DNPEP: variants seen among roughly 807,000 people sequenced by gnomAD.
The protein encoded by DNPEP is aspartyl aminopeptidase.
In DNPEP, 46 loss-of-function variants were observed where a neutral mutation model predicts 59.1. The ratio of observed to expected loss-of-function variants is 0.78; its 90% CI spans 0.61 to 0.99. The LOEUF is 0.99. Ranked by LOEUF, DNPEP falls within the 50% of genes least tolerant of loss-of-function variation. The pLI, the probability that DNPEP is intolerant of heterozygous loss-of-function variation, is 0.00. For synonymous variants in DNPEP, 229 were observed against 242.2 expected (o/e 0.95, Z 0.50); for missense variants, 617 against 649.9 (o/e 0.95, Z 0.55).
At position 219,384,598 on chromosome 2, in the gene DNPEP, C is replaced by T. The variant is rs146148379; in HGVS notation, c.775-155G>A. On this transcript the variant is annotated intron_variant, in intron 8 of 14. Coordinates refer to ENST00000273075, the MANE Select transcript of DNPEP (RefSeq NM_012100.4). ...TTTTCTTTTTTTTGAGATGAAGGTT[C>T]GCTCTTGTCGCCCAGTCTGAAGTGC... 1.4e-3 allele frequency: 802 copies of T among 556,954 alleles called. 8 individuals are homozygous for T. The highest frequency in any genetic ancestry group is 0.014 in the African/African-American group (712 of 51,452). The allele number at this position is 556,954 out of a possible 1,614,324, so 34.5% of individuals were successfully genotyped here.
chr2:219,396,484 A>G (rs1954099180), intron 1 of DNPEP, among the ~76,000 whole-genome samples: 1 of 152,028 alleles, frequency 6.6e-6, no homozygotes, highest in Admixed American at 6.6e-5. Flanking sequence ...GCTACTAGGG[A>G]GGCTGAGGCA....
Position 219,379,919 on chromosome 2 carries a change from A to AAAATAAAT in DNPEP, c.1239+1408_1239+1415dup, listed in dbSNP as rs59629509. Among the ~76,000 whole-genome samples, 643 of 149,516 alleles carry AAAATAAAT rather than the reference A, an allele frequency of 4.3e-3. 6 individuals carry two copies. The highest frequency in any genetic ancestry group is 0.015 in the African/African-American group (617 of 40,552). ...GGTGACAGAGTGAGACTCCATCTCA[A>AAAATAAAT]AAATAAATAAATAAATAAATAAATA... On this transcript the variant is annotated intron_variant, in intron 13 of 14. Transcript: ENST00000273075.
At chr2:219,399,825 T>A in intron 1 of DNPEP, 1 of 1,527,982 alleles carries the variant, frequency 6.5e-7, no homozygotes, top group South Asian at 1.2e-5. Flanking sequence ...TAGGAACGTG[T>A]CTGCACTGGC....
intron 9 of DNPEP, among the ~76,000 whole-genome samples, chr2:219,384,052 C>T (rs540054387): frequency 1.9e-4 from 29 of 152,278 alleles, no homozygotes; most frequent in African/African-American, 5.3e-4. Flanking sequence ...AAAGCCTTTC[C>T]CTGAGGCAGA....
rs1574984189 is a variant in DNPEP at position 219,384,284 on chromosome 2, G to A, written c.852+82C>T. ...AATGGCCCTCTCTCACAACCTGCTGGGGCTTTAGGCAGCTCCCCCGACCCC... is the reference window on the plus strand; with the variant it reads ...AATGGCCCTCTCTCACAACCTGCTGAGGCTTTAGGCAGCTCCCCCGACCCC... On this transcript the variant is annotated intron_variant, in intron 9 of 14. Transcript: ENST00000273075. 6.6e-6 allele frequency: 9 copies of A among 1,360,300 alleles called. No individual in the cohort carries two copies. In the East Asian group the frequency reaches 2.3e-4, roughly 34 times the overall value. The allele number at this position is 1,360,300 out of a possible 1,614,324, so 84.3% of individuals were successfully genotyped here.
intron 13 of DNPEP, among the ~76,000 whole-genome samples, chr2:219,378,484 C>T (rs571649779): frequency 2.6e-5 from 4 of 152,270 alleles, no homozygotes; most frequent in Admixed American, 2.0e-4. Context: ...TTCAGCTTTC[C>T]GAAAGGAAGA....
intron 1 of DNPEP, 175 bp from the exon 2 acceptor site, chr2:219,387,338 C>T (rs1015466425): frequency 2.1e-6 from 3 of 1,444,918 alleles, no homozygotes; most frequent in Non-Finnish European, 2.7e-6. Flanking sequence ...CCGTTGAAAG[C>T]TTCAGCCCGC....
intron 13 of DNPEP, among the ~76,000 whole-genome samples, chr2:219,379,557 T>C (rs1415216693): frequency 2.0e-5 from 3 of 152,240 alleles, no homozygotes; most frequent in Non-Finnish European, 4.4e-5. Context: ...TGAATAGCTG[T>C]ACTATGTGTT....
chr2:219,386,741 AAAGC>A lies in DNPEP; in HGVS notation c.253_256del (p.Ala85LeufsTer3). On this transcript the variant is annotated frameshift_variant, in exon 4 of 15. Coordinates refer to ENST00000273075, the MANE Select transcript of DNPEP (RefSeq NM_012100.4). LOFTEE classifies it high-confidence loss of function. Reference sequence around the variant, plus strand: ...AGGAACGTACTGGCCCCCTACAGCAAAAGCTATGATGGTGGAGGAGTTCCTGGTC... The same window carrying A: ...AGGAACGTACTGGCCCCCTACAGCAATATGATGGTGGAGGAGTTCCTGGTC... 51 of 1,613,274 alleles carry A rather than the reference AAAGC, an allele frequency of 3.2e-5. No individual in the cohort carries two copies. The highest frequency in any genetic ancestry group is 4.2e-5 in the Non-Finnish European group (49 of 1,179,790).
chr2:219,384,584 T>TC (rs1953732817), intron 8 of DNPEP, 141 bp from the exon 9 acceptor site: 3 of 616,548 alleles, frequency 4.9e-6, no homozygotes, highest in East Asian at 6.3e-5. Context: ...TTTCTTTTTT[T>TC]TGAGATGAAG....
Position 219,373,069 on chromosome 2 carries a change from TTTTTC to T in DNPEP, c.*1218_*1222del. 6.6e-6 allele frequency among the ~76,000 whole-genome samples: 1 copy of T among 151,438 alleles called. No homozygotes were observed. The highest frequency in any genetic ancestry group is 1.9e-4 in the East Asian group (1 of 5,166). On this transcript the variant is annotated 3_prime_UTR_variant, in exon 15 of 15. Coordinates refer to ENST00000273075, the MANE Select transcript of DNPEP (RefSeq NM_012100.4). ...TTTATAAGCAGGCTTTGACTTTTTC[TTTTTC>T]TTTTTTTTTTTTTGAGAGAGTTTCA...
rs576059610 is a variant in DNPEP at position 219,372,405 on chromosome 2, G to C, written c.*1887C>G. Reference sequence around the variant, plus strand: ...TTTTGAGACGGAGTCTGGCTCTGTCGCCCAGGCTGGAGTGCAGTGGCTCAA... The same window carrying C: ...TTTTGAGACGGAGTCTGGCTCTGTCCCCCAGGCTGGAGTGCAGTGGCTCAA... On this transcript the variant is annotated 3_prime_UTR_variant, in exon 15 of 15. Transcript: ENST00000273075. 6.6e-6 allele frequency among the ~76,000 whole-genome samples: 1 copy of C among 151,602 alleles called. No homozygotes were observed. Among genetic ancestry groups the C allele is most frequent in the Non-Finnish European group, 1.5e-5 (1 of 67,950 alleles).
At position 219,383,894 on chromosome 2, in the gene DNPEP, G is replaced by A. The variant is rs541418549; in HGVS notation, c.852+472C>T. The stretch of plus-strand genomic sequence containing the variant: ...GAGAGAAAGAAAGGGAACTGACTAG[G>A]GTGGAGAGAAGGTGGGGAATATCAA... On this transcript the variant is annotated intron_variant, in intron 9 of 14. Transcript: ENST00000273075. Among the ~76,000 whole-genome samples the A allele has an allele frequency of 5.9e-5, 9 of 152,236 alleles. No individual in the cohort carries two copies. In the South Asian group the frequency reaches 1.5e-3, roughly 25 times the overall value.
chr2:219,387,009 T>C (rs752650325), intron 2 of DNPEP, 29 bp from the exon 3 acceptor site: 8 of 1,613,902 alleles, frequency 5.0e-6, no homozygotes, highest in Non-Finnish European at 6.8e-6. Flanking sequence ...CTCACAGCGA[T>C]GGAAGCTGGT....
chr2:219,384,471 C>T (rs981998663), intron 8 of DNPEP, 28 bp from the exon 9 acceptor site: 1 of 1,582,404 alleles, frequency 6.3e-7, no homozygotes, highest in Admixed American at 1.7e-5. Flanking sequence ...TCAGCCCGAC[C>T]TTCAACCCTC....
At chr2:219,378,751 G>A (rs928738396) in intron 13 of DNPEP, among the ~76,000 whole-genome samples, 1 of 151,400 alleles carries the variant, frequency 6.6e-6, no homozygotes, top group Non-Finnish European at 1.5e-5. Flanking sequence ...CTGTTGCGAT[G>A]TTGTGGCATA....
intron 1 of DNPEP, among the ~76,000 whole-genome samples, chr2:219,397,014 G>A (rs1575003247): frequency 2.6e-5 from 4 of 152,338 alleles, no homozygotes; most frequent in Non-Finnish European, 1.5e-5. Context: ...ATGGAACACT[G>A]TAAAACTGGC....
chr2:219,382,884 T>C (rs1360896836), intron 10 of DNPEP, among the ~76,000 whole-genome samples: 1 of 152,140 alleles, frequency 6.6e-6, no homozygotes, highest in African/African-American at 2.4e-5. Flanking sequence ...ATGGGCTGGG[T>C]AGAGTCCCTG....
chr2:219,399,792 G>A (rs921052803), intron 1 of DNPEP: 37 of 1,248,184 alleles, frequency 3.0e-5, no homozygotes, highest in Admixed American at 1.0e-4. Flanking sequence ...AAGCCAGTGC[G>A]TGGCTCATGG....
Sources: allele counts gnomAD v4.1 joint callset (sites outside exome capture counted in the v4.1 genomes callset), GRCh38; gene constraint gnomAD v4.1.1; transcripts MANE v1.5; gene names NCBI Gene and HGNC (gene_info 2026-07-23, HGNC 2026-07-21).